KIDINS220: variants seen among roughly 807,000 people sequenced by gnomAD.
The protein encoded by KIDINS220 is kinase D-interacting substrate of 220 kDa.
In KIDINS220, 63 loss-of-function variants were observed where a neutral mutation model predicts 157.6. The observed-to-expected ratio is 0.40, with a 90% CI of 0.33 to 0.49. The LOEUF (loss-of-function observed/expected upper bound fraction) is 0.49, where lower values mean the gene tolerates loss of function less well. Ranked by LOEUF, KIDINS220 falls within the 20% of genes least tolerant of loss-of-function variation. KIDINS220 has a pLI of 0.66. For missense variants in KIDINS220, 1,772 were observed against 2,171.2 expected (o/e 0.82, Z 3.65); for synonymous variants, 732 against 783.6 (o/e 0.93, Z 1.10).
intron 28 of KIDINS220, among the ~76,000 whole-genome samples, chr2:8,734,110 A>C (rs1323980419): frequency 2.0e-5 from 3 of 151,778 alleles, no homozygotes; most frequent in African/African-American, 7.3e-5. Context: ...GGGATCTACC[A>C]CCAAGGGGCA....
At chr2:8,753,035 G>A (rs72786328) in intron 22 of KIDINS220, among the ~76,000 whole-genome samples, 1,937 of 152,168 alleles carry the variant, frequency 0.013, 28 homozygotes, top group Non-Finnish European at 0.017. Flanking sequence ...GTCAAAAATG[G>A]TCAAATGTTG....
At chr2:8,817,013 G>A (rs1183022585) in intron 4 of KIDINS220, among the ~76,000 whole-genome samples, 2 of 152,166 alleles carry the variant, frequency 1.3e-5, no homozygotes, top group Non-Finnish European at 2.9e-5. Flanking sequence ...TATCACAGCA[G>A]ATCGTTTTCT....
chr2:8,746,789 G>A (rs1666645133), intron 26 of KIDINS220: 1 of 208,334 alleles, frequency 4.8e-6, no homozygotes, highest in South Asian at 1.2e-4. Context: ...AGCAACCACA[G>A]GCTTAACAAA....
At chr2:8,805,034 T>A (rs1675245863) in intron 7 of KIDINS220, among the ~76,000 whole-genome samples, 1 of 152,148 alleles carries the variant, frequency 6.6e-6, no homozygotes, top group South Asian at 2.1e-4. Context: ...GCTAGAGCAG[T>A]TCACACAGTT....
chr2:8,797,114 G>A (rs1476255482), intron 10 of KIDINS220, among the ~76,000 whole-genome samples: 3 of 152,114 alleles, frequency 2.0e-5, no homozygotes, highest in Non-Finnish European at 2.9e-5. Flanking sequence ...AGCTACAGCC[G>A]GCAGCAGTGG....
At chr2:8,765,294 T>C (rs1669324407) in intron 22 of KIDINS220, among the ~76,000 whole-genome samples, 1 of 152,182 alleles carries the variant, frequency 6.6e-6, no homozygotes, top group Admixed American at 6.5e-5. Context: ...TCAAAATCAT[T>C]ATTATTCTAA....
chr2:8,779,796 C>A lies in KIDINS220; in HGVS notation c.2248G>T (p.Glu750Ter), dbSNP rs1671456039. 1 of 1,614,102 alleles carries A rather than the reference C, an allele frequency of 6.2e-7. No individual in the cohort carries two copies. Among genetic ancestry groups the A allele is most frequent in the Non-Finnish European group, 8.5e-7 (1 of 1,179,972 alleles). The change falls in exon 18 of 30, where the codon GAA (glutamate) becomes TAA (stop). Residue 750 changes from glutamate (E) to a stop codon, truncating the protein, a stop_gained. Coordinates refer to ENST00000256707, the MANE Select transcript of KIDINS220 (RefSeq NM_020738.4). LOFTEE classifies it high-confidence loss of function. ...GFMKVLKCEV[E>*]LMARMAKTID... ...GTTTTTGCCATCCTGGCCATCAATT[C>A]CACTTCACATTTAAGAACCTGTATT...
intron 12 of KIDINS220, 127 bp downstream of exon 12, chr2:8,793,683 C>T: frequency 1.3e-6 from 1 of 779,620 alleles, no homozygotes; most frequent in Non-Finnish European, 1.9e-6. Context: ...AAGCAATCCT[C>T]CCACCTCGGC....
intron 21 of KIDINS220, among the ~76,000 whole-genome samples, chr2:8,775,020 C>T (rs753637359): frequency 2.0e-5 from 3 of 152,036 alleles, no homozygotes; most frequent in African/African-American, 7.2e-5. Flanking sequence ...GAACAGTGCT[C>T]ATCTTCTGGA....
At position 8,751,502 on chromosome 2, in the gene KIDINS220, C is replaced by T; in HGVS notation, c.3154G>A (p.Val1052Ile). 1 of 1,612,664 alleles carries T rather than the reference C, an allele frequency of 6.2e-7. No individual in the cohort carries two copies. Residue 1052 changes from valine (V) to isoleucine (I), a missense_variant, in exon 23 of 30, where the codon GTA becomes ATA. Physicochemically the swap from Val to Ile is conservative, Grantham distance 29 (BLOSUM62 3). Around this residue, in one of 3 missense-constraint regions of KIDINS220, gnomAD observed 725 missense variants for 1,017.1 expected, o/e 0.71. Transcript: ENST00000256707. ...RDVKVFLPCT[V>I]NLDPKLREII... ...TCCCGTAGTTTGGGATCTAGGTTTA[C>T]AGTGCATGGCAAAAAGACTTTTACA...
intron 23 of KIDINS220, among the ~76,000 whole-genome samples, chr2:8,751,263 T>G (rs986898396): frequency 1.1e-4 from 16 of 151,174 alleles, no homozygotes; most frequent in African/African-American, 3.9e-4. Context: ...TTTCTTTTTT[T>G]TTTTTTTTGT....
chr2:8,737,440 C>T (rs1665040907), intron 26 of KIDINS220, among the ~76,000 whole-genome samples: 1 of 152,188 alleles, frequency 6.6e-6, no homozygotes, highest in East Asian at 1.9e-4. Context: ...CTATACTAGA[C>T]AATTAAGCAA....
At chr2:8,755,672 G>A (rs1396829499) in intron 22 of KIDINS220, among the ~76,000 whole-genome samples, 1 of 152,198 alleles carries the variant, frequency 6.6e-6, no homozygotes, top group Non-Finnish European at 1.5e-5. Context: ...TGTGGGGTAG[G>A]GGTCCAACTT....
chr2:8,790,922 A>G (rs937141145), intron 13 of KIDINS220, 138 bp downstream of exon 13: 1 of 634,072 alleles, frequency 1.6e-6, no homozygotes, highest in Non-Finnish European at 2.6e-6. Flanking sequence ...GTGAAGGACC[A>G]ACCAGAGGGG....
chr2:8,766,725 A>C (rs1032858934), intron 22 of KIDINS220, among the ~76,000 whole-genome samples: 3 of 152,254 alleles, frequency 2.0e-5, no homozygotes, highest in Non-Finnish European at 4.4e-5. Flanking sequence ...ACAACAAAAT[A>C]AATAAGTAGC....
At chr2:8,795,743 G>C (rs1389950733) in intron 11 of KIDINS220, among the ~76,000 whole-genome samples, 1 of 152,198 alleles carries the variant, frequency 6.6e-6, no homozygotes, top group Non-Finnish European at 1.5e-5. Flanking sequence ...ACTTAAGATA[G>C]CATATTATAT....
downstream of KIDINS220, chr2:8,728,729 G>T: frequency 2.7e-6 from 1 of 373,746 alleles, no homozygotes; most frequent in Non-Finnish European, 3.7e-6. Context: ...GCACCACTGA[G>T]GCACTGGGAC....
In KIDINS220 at chr2:8,730,006, T is replaced by C; in HGVS notation, c.*714A>G. On this transcript the variant is annotated 3_prime_UTR_variant, in exon 30 of 30. Coordinates refer to ENST00000256707, the MANE Select transcript of KIDINS220 (RefSeq NM_020738.4). ...GCTGGATGGTGCTGGAAGCCAGGCC[T>C]GGGATTTGGAGAGAAGAGTTTCCGA... 1 of 985,378 alleles carries C rather than the reference T, an allele frequency of 1.0e-6. No homozygotes were observed. The highest frequency in any genetic ancestry group is 1.2e-6 in the Non-Finnish European group (1 of 829,940). The allele number at this position is 985,378 out of a possible 1,614,324, so 61.0% of individuals were successfully genotyped here.
In KIDINS220 at chr2:8,776,842, G is replaced by A. The variant is rs776644704; in HGVS notation, c.2754C>T (p.Ser918=). The change falls in exon 21 of 30, where the codon TCC becomes TCT. Residue 918 remains serine (S), a synonymous_variant. Transcript: ENST00000256707. ...QMQRTITRQM[S]FDLTKLLVTE... ...TAACCAGCAGTTTTGTAAGATCAAA[G>A]GACATCTGGCGAGTGATGGTCCTCT... 1 of 1,614,080 alleles carries A rather than the reference G, an allele frequency of 6.2e-7. No homozygotes were observed. Among genetic ancestry groups the A allele is most frequent in the Non-Finnish European group, 8.5e-7 (1 of 1,179,942 alleles).
Sources: allele counts gnomAD v4.1 joint callset (sites outside exome capture counted in the v4.1 genomes callset), GRCh38; gene constraint gnomAD v4.1.1; regional missense constraint gnomAD v4.1.1; transcripts MANE v1.5; gene names NCBI Gene and HGNC (gene_info 2026-07-23, HGNC 2026-07-21).